The following ATP6V0A2 variants were observed in gnomAD, a reference collection of about 807,000 sequenced individuals.
ATP6V0A2 encodes V-type proton ATPase 116 kDa subunit a 2.
In ATP6V0A2, 58 loss-of-function variants were observed where a neutral mutation model predicts 104.4. That is an observed-to-expected ratio of 0.56 (90% CI 0.45 to 0.69). The LOEUF (loss-of-function observed/expected upper bound fraction) is 0.69, where lower values mean the gene tolerates loss of function less well. Ranked by LOEUF, ATP6V0A2 falls within the 30% of genes least tolerant of loss-of-function variation. The probability of loss-of-function intolerance (pLI) is 0.00; values close to 1 mark genes in which losing one functional copy is unlikely to be tolerated. For missense variants in ATP6V0A2, 938 were observed against 1,062.9 expected (o/e 0.88, Z 1.63); for synonymous variants, 376 against 397.9 (o/e 0.95, Z 0.65).
chr12:123,734,343 T>C (rs1185673324), intron 7 of ATP6V0A2, among the ~76,000 whole-genome samples: 2 of 152,188 alleles, frequency 1.3e-5, no homozygotes, highest in African/African-American at 4.8e-5. Flanking sequence ...TTACCTGTCA[T>C]CACTGAGCAT....
intron 13 of ATP6V0A2, among the ~76,000 whole-genome samples, chr12:123,745,920 CTG>C (rs1279287475): frequency 2.6e-5 from 4 of 152,076 alleles, no homozygotes; most frequent in Non-Finnish European, 5.9e-5. Context: ...AGTCGTTAAA[CTG>C]AGCAAAAAAA....
At chr12:123,719,854 C>T (rs974408942) in intron 2 of ATP6V0A2, among the ~76,000 whole-genome samples, 3 of 152,128 alleles carry the variant, frequency 2.0e-5, no homozygotes, top group South Asian at 2.1e-4. Flanking sequence ...ACTTTGCCTA[C>T]GGCCTCCTGT....
At chr12:123,747,782 A>G (rs781079141) in intron 14 of ATP6V0A2, 57 bp downstream of exon 14, 52 of 1,190,304 alleles carry the variant, frequency 4.4e-5, no homozygotes, top group Non-Finnish European at 5.6e-5. Context: ...CATTTCTTCA[A>G]TTTTGCTTCT....
intron 4 of ATP6V0A2, among the ~76,000 whole-genome samples, chr12:123,725,767 C>T (rs1413517730): frequency 6.7e-6 from 1 of 148,710 alleles, no homozygotes; most frequent in East Asian, 2.0e-4. Context: ...GCCTGGGCGA[C>T]AGAGTGAGAC....
In ATP6V0A2 at chr12:123,712,701, A is replaced by T. The variant is rs746099453; in HGVS notation, c.117+19A>T. On this transcript the variant is annotated intron_variant, in intron 1 of 19. Coordinates refer to ENST00000330342, the MANE Select transcript of ATP6V0A2 (RefSeq NM_012463.4). ...CCGAGACGTGAGTGTCGCCCGGGAG[A>T]CGCGGGCCGCACCTGCTCTCCTGGC... 1.1e-4 allele frequency: 174 copies of T among 1,592,448 alleles called. No individual in the cohort carries two copies. Among genetic ancestry groups the T allele is most frequent in the Non-Finnish European group, 1.4e-4 (164 of 1,165,054 alleles).
chr12:123,713,198 C>T lies in ATP6V0A2; in HGVS notation c.117+516C>T, dbSNP rs1025593342. Among the ~76,000 whole-genome samples, 4 of 151,964 alleles carry T rather than the reference C, an allele frequency of 2.6e-5. No individual in the cohort carries two copies. The East Asian group carries it at 7.7e-4, about 29-fold the overall frequency. On this transcript the variant is annotated intron_variant, in intron 1 of 19. Coordinates refer to ENST00000330342, the MANE Select transcript of ATP6V0A2 (RefSeq NM_012463.4). ...GAAAGGAGCCAGCCGTGGGGAAGAT[C>T]TGGGGAGAGGGTCCTTGTTGGAGGG...
In ATP6V0A2 at chr12:123,747,682, A is replaced by G. The variant is rs1341361649; in HGVS notation, c.1681A>G (p.Ile561Val). 4 of 1,612,878 alleles carry G rather than the reference A, an allele frequency of 2.5e-6. No individual in the cohort carries two copies. The highest frequency in any genetic ancestry group is 2.7e-5 in the African/African-American group (2 of 75,034). Reference sequence around the variant, plus strand: ...GAAAATGTCCGTGATTTTAGGAATCATTCATATGACTTTTGGAGTCATTCT... The same window carrying G: ...GAAAATGTCCGTGATTTTAGGAATCGTTCATATGACTTTTGGAGTCATTCT... ...KMKMSVILGI[I>V]HMTFGVILGI... Residue 561 changes from isoleucine (I) to valine (V), a missense_variant, in exon 14 of 20, where the codon ATT becomes GTT. Coordinates refer to ENST00000330342, the MANE Select transcript of ATP6V0A2 (RefSeq NM_012463.4).
chr12:123,756,101 C>G (rs1345887093), intron 18 of ATP6V0A2, among the ~76,000 whole-genome samples: 1 of 148,500 alleles, frequency 6.7e-6, no homozygotes, highest in Non-Finnish European at 1.5e-5. Flanking sequence ...AAAAAAAAAC[C>G]GAAAAACAAC....
rs1956823646 is a variant in ATP6V0A2 at position 123,761,478 on chromosome 12, C to G, written c.*3446C>G. The G allele has an allele frequency of 6.6e-6, 1 of 152,192 alleles. No individual in the cohort carries two copies. Among genetic ancestry groups the G allele is most frequent in the African/African-American group, 2.4e-5 (1 of 41,444 alleles). The allele number at this position is 152,192 out of a possible 1,614,324, so 9.4% of individuals were successfully genotyped here. ...ATGGGAATAAGGCAGTTTGAACGAA[C>G]AGTCTTCCCACAGTCAGGCCATTTT... On this transcript the variant is annotated 3_prime_UTR_variant, in exon 20 of 20. Coordinates refer to ENST00000330342, the MANE Select transcript of ATP6V0A2 (RefSeq NM_012463.4).
intron 2 of ATP6V0A2, 39 bp downstream of exon 2, chr12:123,718,740 C>A: frequency 7.0e-7 from 1 of 1,427,596 alleles, no homozygotes; most frequent in Non-Finnish European, 9.8e-7. Flanking sequence ...AAATAATTAC[C>A]TTTATATAGG....
At chr12:123,742,335 G>A (rs778210912) in intron 9 of ATP6V0A2, among the ~76,000 whole-genome samples, 3 of 152,214 alleles carry the variant, frequency 2.0e-5, no homozygotes, top group Non-Finnish European at 4.4e-5. Context: ...TCTGGAGGCT[G>A]CTGGGTAGGT....
intron 1 of ATP6V0A2, among the ~76,000 whole-genome samples, chr12:123,715,287 C>A (rs1207415116): frequency 6.6e-6 from 1 of 152,168 alleles, no homozygotes; most frequent in African/African-American, 2.4e-5. Context: ...GCTTTAGACA[C>A]AGAACTTCCT....
In ATP6V0A2 at chr12:123,718,126, G is replaced by A. The variant is rs555383968; in HGVS notation, c.118-497G>A. On this transcript the variant is annotated intron_variant, in intron 1 of 19. Transcript: ENST00000330342. ...TTTTTTTGAGATAGTGTCTTGCCCT[G>A]TTGCCCAGGTTGGAGTGCAAATGGC... Among the ~76,000 whole-genome samples the A allele has an allele frequency of 6.7e-5, 10 of 149,098 alleles. No individual in the cohort carries two copies. In the South Asian group the frequency reaches 2.1e-3, roughly 31 times the overall value.
chr12:123,743,283 C>T (rs1566286194), intron 9 of ATP6V0A2, among the ~76,000 whole-genome samples: 1 of 152,200 alleles, frequency 6.6e-6, no homozygotes, highest in Non-Finnish European at 1.5e-5. Context: ...GACTTTTCCT[C>T]CAGGCCCTCT....
At chr12:123,738,426 T>C (rs1956577719) in intron 9 of ATP6V0A2, among the ~76,000 whole-genome samples, 1 of 150,026 alleles carries the variant, frequency 6.7e-6, no homozygotes, top group Non-Finnish European at 1.5e-5. Context: ...TTCAATTTTC[T>C]TTTTTTTGTG....
chr12:123,745,293 C>G (rs1424003957), intron 13 of ATP6V0A2, among the ~76,000 whole-genome samples: 1 of 152,126 alleles, frequency 6.6e-6, no homozygotes, highest in African/African-American at 2.4e-5. Context: ...ATTTCTTCCT[C>G]GTATATGTGA....
chr12:123,719,559 G>T (rs1593885224), intron 2 of ATP6V0A2, among the ~76,000 whole-genome samples: 2 of 151,594 alleles, frequency 1.3e-5, no homozygotes, highest in African/African-American at 2.4e-5. Context: ...GCTAATTTTT[G>T]TACTTTTAGT....
chr12:123,754,262 G>A, intron 17 of ATP6V0A2, 158 bp from the exon 18 acceptor site: 2 of 665,358 alleles, frequency 3.0e-6, no homozygotes, highest in Middle Eastern at 2.5e-4. Flanking sequence ...GGTGAACAGA[G>A]TGCGTCTGGG....
rs2135910453 is a variant in ATP6V0A2 at position 123,744,867 on chromosome 12, T to G, written c.1515-15T>G. On this transcript the variant is annotated splice_polypyrimidine_tract_variant and intron_variant, in intron 12 of 19. Transcript: ENST00000330342. This position sits in a 1 kb window ranked among gnomAD's most constrained non-coding sequence, Gnocchi z 5.4. ...TCCTCCCAGGTCAGCCTCCTCACTC[T>G]GCTTTTTGTTACAGTGACAGCGTCG... The G allele has an allele frequency of 3.1e-6, 5 of 1,614,124 alleles. No homozygotes were observed. The highest frequency in any genetic ancestry group is 4.2e-6 in the Non-Finnish European group (5 of 1,179,978).
Sources: gnomAD v4.1 joint callset for allele counts (sites outside exome capture counted in the v4.1 genomes callset) on GRCh38, gnomAD v4.1.1 for gene constraint, Gnocchi (gnomAD v3.1) non-coding constraint, MANE v1.5 for transcripts, NCBI Gene and HGNC (gene_info 2026-07-23, HGNC 2026-07-21) for gene names.